Variants in FBF1 observed in about 807,000 individuals in gnomAD.
FBF1 encodes Fas binding factor 1, also known as fas-binding factor 1.
Under a neutral mutation model 147.2 loss-of-function variants are expected in FBF1, and 119 were observed. The ratio of observed to expected loss-of-function variants is 0.81; its 90% CI spans 0.70 to 0.94. The LOEUF (loss-of-function observed/expected upper bound fraction) is 0.94. Among genes scored for constraint, FBF1 ranks in the 40% least tolerant of loss-of-function variants. The pLI is 0.00. For synonymous variants in FBF1, 601 were observed against 609.0 expected, an observed-to-expected ratio of 0.99 and a Z score of 0.19; for missense variants, 1,449 against 1,500.8, an observed-to-expected ratio of 0.97 and a Z score of 0.57.
chr17:75,926,073 C>T lies in FBF1; in HGVS notation c.825G>A (p.Glu275=), dbSNP rs769965983. 1.6e-5 allele frequency: 25 copies of T among 1,612,494 alleles called. No individual in the cohort carries two copies. The African/African-American group carries it at 2.9e-4, about 19-fold the overall frequency. The change falls in exon 12 of 30, where the codon GAG becomes GAA. Residue 275 remains glutamate, a synonymous_variant. Coordinates refer to ENST00000636174, the MANE Select transcript of FBF1 (RefSeq NM_001319193.2). ...TKLLARPGTG[E]HREFKLDKKY... ...TCTTGTCTAGCTTGAACTCCCTGTGCTCCCCGGTGCCCGGGCGGGCCAGGA... is the reference window on the plus strand; with the variant it reads ...TCTTGTCTAGCTTGAACTCCCTGTGTTCCCCGGTGCCCGGGCGGGCCAGGA...
intron 17 of FBF1, among the ~76,000 whole-genome samples, chr17:75,920,833 G>A (rs1181112740): frequency 1.6e-5 from 1 of 63,328 alleles, no homozygotes; most frequent in Non-Finnish European, 3.0e-5. Flanking sequence ...ACACTCCTGG[G>A]GGGGGGGGGG....
chr17:75,926,738 A>G lies in FBF1; in HGVS notation c.595+20T>C, dbSNP rs1212950395. The G allele has an allele frequency of 1.2e-6, 2 of 1,606,212 alleles. No homozygotes were observed. Among genetic ancestry groups the G allele is most frequent in the Admixed American group, 1.7e-5 (1 of 58,620 alleles). Reference sequence around the variant, plus strand: ...ATAAACTCTTCCTCCAGGATGGGAAATGAGCCCACTCCACCCTACCTTGAT... The same window carrying G: ...ATAAACTCTTCCTCCAGGATGGGAAGTGAGCCCACTCCACCCTACCTTGAT... On this transcript the variant is annotated intron_variant, in intron 10 of 29. Transcript: ENST00000636174.
intron 4 of FBF1, 47 bp downstream of exon 4, chr17:75,935,585 C>T: frequency 6.6e-7 from 1 of 1,521,622 alleles, no homozygotes; most frequent in Non-Finnish European, 8.8e-7. Flanking sequence ...GAAAAAAAAG[C>T]AACAGCAGCA....
rs2144164519 is a variant in FBF1 at position 75,919,779 on chromosome 17, C to T, written c.2027G>A (p.Cys676Tyr). Reference protein sequence around the residue: ...EELSARYLSQCQEAEQARAEL... With the variant: ...EELSARYLSQYQEAEQARAEL... Reference sequence around the variant, plus strand: ...AGCACGGGCCTGTTCGGCCTCCTGGCACTGCGACAGATACCGAGCTGACAG... The same window carrying T: ...AGCACGGGCCTGTTCGGCCTCCTGGTACTGCGACAGATACCGAGCTGACAG... Residue 676 changes from cysteine (C) to tyrosine (Y), a missense_variant, in exon 20 of 30, where the codon TGC (cysteine) becomes TAC (tyrosine). Cys to Tyr is a radical substitution (Grantham distance 194, BLOSUM62 -2). Coordinates refer to ENST00000636174, the MANE Select transcript of FBF1 (RefSeq NM_001319193.2). This position sits in a 1 kb window ranked among gnomAD's most constrained non-coding sequence, Gnocchi z 5.0. 1 of 1,613,722 alleles carries T rather than the reference C, an allele frequency of 6.2e-7. No individual in the cohort carries two copies. The highest frequency in any genetic ancestry group is 8.5e-7 in the Non-Finnish European group (1 of 1,179,876).
intron 23 of FBF1, among the ~76,000 whole-genome samples, chr17:75,917,169 C>T (rs1480963948): frequency 1.3e-5 from 2 of 152,166 alleles, no homozygotes; most frequent in Admixed American, 6.6e-5. Flanking sequence ...TTTATGGTCT[C>T]GCTAGGCTGG....
intron 4 of FBF1, among the ~76,000 whole-genome samples, chr17:75,934,684 G>T (rs1374628246): frequency 6.6e-6 from 1 of 151,914 alleles, no homozygotes; most frequent in African/African-American, 2.4e-5. Flanking sequence ...TTCGAGACCA[G>T]ACTGACCAAC....
chr17:75,929,945 A>AGGGGGGCCCCCC, intron 7 of FBF1, 52 bp downstream of exon 7: 4 of 650,884 alleles, frequency 6.1e-6, no homozygotes, highest in Non-Finnish European at 8.4e-6. Flanking sequence ...AAATATCATG[A>AGGGGGGCCCCCC]CCCCACCCCA....
chr17:75,938,322 A>G (rs2065637671), intron 1 of FBF1, 90 bp from the exon 2 acceptor site: 2 of 905,896 alleles, frequency 2.2e-6, no homozygotes, highest in Non-Finnish European at 3.4e-6. Flanking sequence ...GCACTTTCAG[A>G]GGCCAAGGCG....
chr17:75,919,414 CT>C lies in FBF1; in HGVS notation c.2138+253del, dbSNP rs2065509553. Among the ~76,000 whole-genome samples the C allele has an allele frequency of 6.6e-6, 1 of 152,202 alleles. No homozygotes were observed. The highest frequency in any genetic ancestry group is 2.1e-4 in the South Asian group (1 of 4,834). On this transcript the variant is annotated intron_variant, in intron 20 of 29. Transcript: ENST00000636174. This position sits in a 1 kb window ranked among gnomAD's most constrained non-coding sequence, Gnocchi z 5.0. ...CTGTGCTTAGTTAGACCCTAGGCGG[CT>C]TGCTGCTGCCATGCCATGCCTGAAC...
chr17:75,909,835 A>G lies in FBF1; in HGVS notation c.*888T>C. Reference sequence around the variant, plus strand: ...AACATTTTCTAAGAAATAAGTATAAACTCCGATGAGCCATGGCAAAAGCAG... The same window carrying G: ...AACATTTTCTAAGAAATAAGTATAAGCTCCGATGAGCCATGGCAAAAGCAG... On this transcript the variant is annotated 3_prime_UTR_variant, in exon 30 of 30. Transcript: ENST00000636174. The G allele has an allele frequency of 1.5e-6, 1 of 685,610 alleles. No homozygotes were observed. The highest frequency in any genetic ancestry group is 2.7e-6 in the Non-Finnish European group (1 of 373,782). The allele number at this position is 685,610 out of a possible 1,614,324, so 42.5% of individuals were successfully genotyped here.
At chr17:75,930,654 G>A (rs929487668) in intron 6 of FBF1, among the ~76,000 whole-genome samples, 9 of 152,182 alleles carry the variant, frequency 5.9e-5, no homozygotes, top group African/African-American at 2.2e-4. Flanking sequence ...GCTGGGCACG[G>A]TGGGTCAGCC....
chr17:75,918,163 G>C lies in FBF1; in HGVS notation c.2245C>G (p.Arg749Gly). ...GCATGGTTGGGGCAGCGCACATACC[G>C]CGTGTGGGAGGTGGCACTGGTGGCC... ...DAATSATSHT[R>G]SLNSIIHQME... The change falls in exon 21 of 30, where the codon CGG (arginine) becomes GGG (glycine). Residue 749 changes from arginine to glycine, a missense_variant and splice_region_variant. Coordinates refer to ENST00000636174, the MANE Select transcript of FBF1 (RefSeq NM_001319193.2). This position sits in a 1 kb window ranked among gnomAD's most constrained non-coding sequence, Gnocchi z 5.8. The C allele has an allele frequency of 6.2e-7, 1 of 1,613,332 alleles. No homozygotes were observed. The highest frequency in any genetic ancestry group is 8.5e-7 in the Non-Finnish European group (1 of 1,179,778).
rs770480205 is a variant in FBF1 at position 75,937,554 on chromosome 17, C to T, written c.31+12G>A. ...ATTTGGCTTAAGAGTAATGTTCCAT[C>T]TCTCCACTCACCTTTACATCCTTTC... On this transcript the variant is annotated intron_variant, in intron 3 of 29. Coordinates refer to ENST00000636174, the MANE Select transcript of FBF1 (RefSeq NM_001319193.2). The T allele has an allele frequency of 3.7e-6, 6 of 1,613,772 alleles. No homozygotes were observed. The highest frequency in any genetic ancestry group is 1.6e-4 in the Middle Eastern group (1 of 6,062).
rs1489723048 is a variant in FBF1, at chr17:75,909,934, T to C, written c.*789A>G. 2.9e-6 allele frequency: 2 copies of C among 699,032 alleles called. No homozygotes were observed. The highest frequency in any genetic ancestry group is 5.2e-6 in the Non-Finnish European group (2 of 383,058). The allele number at this position is 699,032 out of a possible 1,614,324, so 43.3% of individuals were successfully genotyped here. On this transcript the variant is annotated 3_prime_UTR_variant, in exon 30 of 30. Transcript: ENST00000636174. ...GAGAAACCTCTGTAGTTGTGATTGG[T>C]TCCTTGTCGCCTCCACTGCGTACCC...
chr17:75,924,280 C>T (rs978320943), intron 13 of FBF1, among the ~76,000 whole-genome samples: 2 of 152,152 alleles, frequency 1.3e-5, no homozygotes, highest in African/African-American at 4.8e-5. Flanking sequence ...TTCATTTGTT[C>T]GGCCGTGGCC....
rs1410641175 is a variant in FBF1, at chr17:75,910,565, T to C, written c.*158A>G. 1.5e-6 allele frequency: 1 copy of C among 646,162 alleles called. No homozygotes were observed. The highest frequency in any genetic ancestry group is 1.8e-5 in the African/African-American group (1 of 54,486). 40.0% of individuals were successfully genotyped at this position (646,162 alleles called of 1,614,324 possible). A position where few individuals can be genotyped will look rare whatever the true frequency, so the allele number is the denominator to read the frequency against. ...CAGGGGCTGCCCCGGGCTGGCACAT[T>C]TGGAAAGGATGCACTTGCACCCTGT... is the stretch of plus-strand genomic sequence containing the variant. On this transcript the variant is annotated 3_prime_UTR_variant, in exon 30 of 30. Transcript: ENST00000636174. The surrounding 1 kb of genome is among the most constrained non-coding windows in gnomAD (Gnocchi z 4.1).
Position 75,923,098 on chromosome 17 carries a change from T to G in FBF1, c.1424+88A>C. 1.5e-6 allele frequency: 2 copies of G among 1,317,150 alleles called. No homozygotes were observed. Among genetic ancestry groups the G allele is most frequent in the East Asian group, 2.5e-5 (1 of 39,460 alleles). 81.6% of individuals were successfully genotyped at this position (1,317,150 alleles called of 1,614,324 possible). On this transcript the variant is annotated intron_variant, in intron 14 of 29. Coordinates refer to ENST00000636174, the MANE Select transcript of FBF1 (RefSeq NM_001319193.2). This position sits in a 1 kb window ranked among gnomAD's most constrained non-coding sequence, Gnocchi z 4.1. ...CCTGCCTTGTTCCCCAACTGCTGAC[T>G]GAGGCTGCAACAGGTGAAGGGGCAA...
intron 4 of FBF1, among the ~76,000 whole-genome samples, chr17:75,934,832 T>C (rs2065614402): frequency 6.7e-6 from 1 of 149,724 alleles, no homozygotes; most frequent in Non-Finnish European, 1.5e-5. Flanking sequence ...TGAGCCGAGA[T>C]TGCGCCATTG....
Position 75,931,278 on chromosome 17 carries a change from C to A in FBF1, c.179G>T (p.Gly60Val), listed in dbSNP as rs372412708. ...SSKARTKSLLGDDVFSTMAGL... is the reference protein window; with the variant it reads ...SSKARTKSLLVDDVFSTMAGL... Reference sequence around the variant, plus strand: ...TGCCATGGTGCTGAAGACATCATCACCCAGGAGGGACCTGCAAAGGGGAGG... The same window carrying A: ...TGCCATGGTGCTGAAGACATCATCAACCAGGAGGGACCTGCAAAGGGGAGG... The change falls in exon 6 of 30, where the codon GGT (glycine) becomes GTT (valine). Residue 60 changes from glycine (G) to valine (V), a missense_variant. Coordinates refer to ENST00000636174, the MANE Select transcript of FBF1 (RefSeq NM_001319193.2). The A allele has an allele frequency of 6.3e-7, 1 of 1,583,790 alleles. No individual in the cohort carries two copies. The highest frequency in any genetic ancestry group is 1.2e-5 in the South Asian group (1 of 86,302).
Sources: gnomAD v4.1 joint callset for allele counts (sites outside exome capture counted in the v4.1 genomes callset) on GRCh38, gnomAD v4.1.1 for gene constraint, Gnocchi (gnomAD v3.1) non-coding constraint, MANE v1.5 for transcripts, NCBI Gene and HGNC (gene_info 2026-07-23, HGNC 2026-07-21) for gene names.